Variants in GABBR2 observed in about 807,000 individuals in gnomAD.
GABBR2 encodes gamma-aminobutyric acid type B receptor subunit 2, also known as G-protein coupled receptor 51.
Under a neutral mutation model 105.6 loss-of-function variants are expected in GABBR2, and 23 were observed. The ratio of observed to expected loss-of-function variants is 0.22; its 90% CI spans 0.16 to 0.31. The LOEUF (loss-of-function observed/expected upper bound fraction) is 0.31. Among genes scored for constraint, GABBR2 ranks in the 10% least tolerant of loss-of-function variants. GABBR2 has a pLI of 1.00. For synonymous variants in GABBR2, 478 were observed against 499.7 expected (o/e 0.96, Z 0.58); for missense variants, 734 against 1,245.5 (o/e 0.59, Z 6.18).
chr9:98,455,095 C>T (rs569313383), intron 6 of GABBR2, among the ~76,000 whole-genome samples: 1 of 152,340 alleles, frequency 6.6e-6, no homozygotes, highest in South Asian at 2.1e-4. Flanking sequence ...GCATCCATCC[C>T]TCCTGCTATT....
At chr9:98,591,841 C>T (rs1405512626) in intron 1 of GABBR2, among the ~76,000 whole-genome samples, 1 of 128,798 alleles carries the variant, frequency 7.8e-6, no homozygotes, top group Non-Finnish European at 1.7e-5. Context: ...CACTGCCTCA[C>T]TCTGTGACCC....
chr9:98,501,398 C>A (rs918258951), intron 3 of GABBR2, among the ~76,000 whole-genome samples: 2 of 152,178 alleles, frequency 1.3e-5, no homozygotes, highest in Admixed American at 6.5e-5. Context: ...CTCTTGACCT[C>A]AAGTGATCCA....
chr9:98,318,723 C>CT (rs1342734791), intron 13 of GABBR2, among the ~76,000 whole-genome samples: 3 of 152,226 alleles, frequency 2.0e-5, no homozygotes, highest in Non-Finnish European at 2.9e-5. Flanking sequence ...GGAGGGGGTG[C>CT]TTTCCACCTT....
chr9:98,295,249 G>A (rs1184776687), intron 17 of GABBR2, among the ~76,000 whole-genome samples: 4 of 152,204 alleles, frequency 2.6e-5, no homozygotes, highest in African/African-American at 9.7e-5. Flanking sequence ...GCAAGGTGAT[G>A]CACTGCCTTA....
chr9:98,500,552 G>A (rs866922695), intron 3 of GABBR2, among the ~76,000 whole-genome samples: 2 of 152,232 alleles, frequency 1.3e-5, no homozygotes, highest in South Asian at 2.1e-4. Flanking sequence ...CTACCCAAAG[G>A]GGAAAACTCT....
intron 2 of GABBR2, among the ~76,000 whole-genome samples, chr9:98,572,658 G>T (rs932408168): frequency 2.0e-5 from 3 of 152,132 alleles, no homozygotes; most frequent in African/African-American, 7.2e-5. Flanking sequence ...TAATAAATGG[G>T]TCTAGGTTTC....
At chr9:98,607,161 T>C (rs1165096157) in intron 1 of GABBR2, 5 of 1,610,120 alleles carry the variant, frequency 3.1e-6, no homozygotes, top group African/African-American at 1.3e-5. Context: ...CTGCTCACAA[T>C]AGTTGATACC....
intron 1 of GABBR2, among the ~76,000 whole-genome samples, chr9:98,689,784 T>C (rs192701884): frequency 1.3e-5 from 2 of 152,360 alleles, no homozygotes; most frequent in East Asian, 1.9e-4. Flanking sequence ...CTGAACGCTT[T>C]TAAATTGGTT....
intron 7 of GABBR2, among the ~76,000 whole-genome samples, chr9:98,414,372 G>A (rs1588148131): frequency 6.6e-6 from 1 of 152,198 alleles, no homozygotes; most frequent in Non-Finnish European, 1.5e-5. Context: ...GGAAATCCAA[G>A]GACCTGAAAC....
At chr9:98,359,015 T>G (rs1259769288) in intron 13 of GABBR2, among the ~76,000 whole-genome samples, 1 of 152,150 alleles carries the variant, frequency 6.6e-6, no homozygotes, top group Non-Finnish European at 1.5e-5. Flanking sequence ...ATCTATAAAA[T>G]GGGGGCAAAA....
chr9:98,322,321 C>A lies in GABBR2; in HGVS notation c.1894-11116G>T, dbSNP rs532786198. 4.6e-5 allele frequency among the ~76,000 whole-genome samples: 7 copies of A among 152,256 alleles called. No homozygotes were observed. The East Asian group carries it at 1.4e-3, about 29-fold the overall frequency. On this transcript the variant is annotated intron_variant, in intron 13 of 18. Transcript: ENST00000259455. ...TGGCGTCTCTCCAGCCTTTCTCATT[C>A]TTCAATGCCCACCCTGGCTCCAACA...
chr9:98,306,012 TA>T lies in GABBR2; in HGVS notation c.2229+108del, dbSNP rs201591964. ...TCTATAATGTGAATTGTCTTCATCATAAAAAAAAAAAGGAATGGGTAAACCT... is the reference window on the plus strand; with the variant it reads ...TCTATAATGTGAATTGTCTTCATCATAAAAAAAAAAGGAATGGGTAAACCT... On this transcript the variant is annotated intron_variant, in intron 15 of 18. Coordinates refer to ENST00000259455, the MANE Select transcript of GABBR2 (RefSeq NM_005458.8). The surrounding 1 kb of genome is among the most constrained non-coding windows in gnomAD (Gnocchi z 5.4). 0.091 allele frequency: 42,054 copies of T among 464,284 alleles called. 793 individuals are homozygous for T. Among genetic ancestry groups the T allele is most frequent in the East Asian group, 0.3 (7,625 of 25,634 alleles). The allele number at this position is 464,284 out of a possible 1,614,324, so 28.8% of individuals were successfully genotyped here. A position where few individuals can be genotyped will look rare whatever the true frequency, so the allele number is the denominator to read the frequency against.
At chr9:98,459,596 T>A (rs1826388118) in intron 6 of GABBR2, among the ~76,000 whole-genome samples, 1 of 152,240 alleles carries the variant, frequency 6.6e-6, no homozygotes, top group Non-Finnish European at 1.5e-5. Flanking sequence ...GACTGGCATT[T>A]TTACTTAAAA....
intron 3 of GABBR2, among the ~76,000 whole-genome samples, chr9:98,536,417 G>A (rs1180651307): frequency 6.6e-6 from 1 of 152,160 alleles, no homozygotes; most frequent in Non-Finnish European, 1.5e-5. Flanking sequence ...AGAATTGAGA[G>A]CCCAAAGAAT....
At chr9:98,616,996 T>C (rs10987083) in intron 1 of GABBR2, among the ~76,000 whole-genome samples, 14,059 of 152,234 alleles carry the variant, frequency 0.092, 1,029 homozygotes, top group African/African-American at 0.2. Context: ...ACTTTAAATA[T>C]CTACATTCCA....
chr9:98,332,034 C>A (rs979013161), intron 13 of GABBR2, among the ~76,000 whole-genome samples: 3 of 152,200 alleles, frequency 2.0e-5, no homozygotes, highest in African/African-American at 7.2e-5. Context: ...GGAGCAATTT[C>A]CCATCCATCA....
At chr9:98,659,225 A>T (rs1350230129) in intron 1 of GABBR2, among the ~76,000 whole-genome samples, 1 of 152,076 alleles carries the variant, frequency 6.6e-6, no homozygotes, top group African/African-American at 2.4e-5. Flanking sequence ...CTCTGTACTC[A>T]CTTCATTCCT....
At chr9:98,691,392 A>C (rs1485863388) in intron 1 of GABBR2, among the ~76,000 whole-genome samples, 6 of 152,196 alleles carry the variant, frequency 3.9e-5, no homozygotes, top group Admixed American at 2.0e-4. Context: ...GCCAGGGTTT[A>C]ACTCCAAGTC....
intron 2 of GABBR2, among the ~76,000 whole-genome samples, chr9:98,554,001 T>C (rs183643039): frequency 6.6e-6 from 1 of 152,306 alleles, no homozygotes; most frequent in Admixed American, 6.5e-5. Flanking sequence ...ATTACCCTCA[T>C]TTTTTAGATA....
Sources: gnomAD v4.1 joint callset for allele counts (sites outside exome capture counted in the v4.1 genomes callset) on GRCh38, gnomAD v4.1.1 for gene constraint, Gnocchi (gnomAD v3.1) non-coding constraint, MANE v1.5 for transcripts, NCBI Gene and HGNC (gene_info 2026-07-23, HGNC 2026-07-21) for gene names.